The following COL20A1 variants were observed in gnomAD, a reference collection of about 807,000 sequenced individuals.
The protein encoded by COL20A1 is collagen alpha-1(XX) chain.
In COL20A1, 164 loss-of-function variants were observed where a neutral mutation model predicts 152.9. That is an observed-to-expected ratio of 1.07 (90% CI 0.94 to 1.22). The LOEUF (loss-of-function observed/expected upper bound fraction) is 1.22, where lower values mean the gene tolerates loss of function less well. Ranked by LOEUF, COL20A1 falls within the 50% of genes most tolerant of loss-of-function variation. The pLI is 0.00. For missense variants in COL20A1, 1,873 were observed against 1,744.8 expected (o/e 1.07, Z -1.31); for synonymous variants, 864 against 756.0 (o/e 1.14, Z -2.34).
chr20:63,321,022 G>A lies in COL20A1; in HGVS notation c.3163G>A (p.Glu1055Lys). 1 of 1,579,684 alleles carries A rather than the reference G, an allele frequency of 6.3e-7. No homozygotes were observed. Among genetic ancestry groups the A allele is most frequent in the Non-Finnish European group, 8.6e-7 (1 of 1,164,124 alleles). Residue 1055 changes from glutamate (E) to lysine (K), a missense_variant, in exon 26 of 36, where the codon GAG becomes AAG. Transcript: ENST00000358894. Reference sequence around the variant, plus strand: ...GTCTCTCTTCTTCCAGAGGGATGGAGAGACCTGCCCCGCCTTCGTGTCTGC... The same window carrying A: ...GTCTCTCTTCTTCCAGAGGGATGGAAAGACCTGCCCCGCCTTCGTGTCTGC... ...CCELPASRDG[E>K]TCPAFVSACS... is the part of the protein sequence containing the mutation.
chr20:63,327,894 G>C, intron 31 of COL20A1, 58 bp from the exon 32 acceptor site: 3 of 1,532,922 alleles, frequency 2.0e-6, no homozygotes, highest in South Asian at 1.2e-5. Context: ...TCTCACACTT[G>C]TCACGTGTGG....
chr20:63,293,559 G>T (rs2067742844), intron 1 of COL20A1, among the ~76,000 whole-genome samples: 1 of 152,166 alleles, frequency 6.6e-6, no homozygotes, highest in Non-Finnish European at 1.5e-5. Context: ...ACATCGAGCA[G>T]AGAGCGGCTT....
chr20:63,308,626 T>G lies in COL20A1; in HGVS notation c.860T>G (p.Val287Gly). 6.2e-7 allele frequency: 1 copy of G among 1,606,542 alleles called. No homozygotes were observed. Among genetic ancestry groups the G allele is most frequent in the African/African-American group, 1.3e-5 (1 of 74,922 alleles). Reference sequence around the variant, plus strand: ...GAGGCAGCCAAGGTGGTGATTCTGGTGACGGACGGCAAGTCCCAGGACGAT... The same window carrying G: ...GAGGCAGCCAAGGTGGTGATTCTGGGGACGGACGGCAAGTCCCAGGACGAT... ...RPEAAKVVIL[V>G]TDGKSQDDVH... The change falls in exon 8 of 36, where the codon GTG (valine) becomes GGG (glycine). Residue 287 changes from valine to glycine, a missense_variant. Val to Gly is a moderately radical substitution (Grantham distance 109). Coordinates refer to ENST00000358894, the MANE Select transcript of COL20A1 (RefSeq NM_020882.4).
chr20:63,329,309 C>T (rs2068300618), intron 34 of COL20A1: 1 of 529,548 alleles, frequency 1.9e-6, no homozygotes, highest in Non-Finnish European at 3.4e-6. Context: ...TCTGCACCCA[C>T]CTGTCTAGAT....
In COL20A1 at chr20:63,319,516, C is replaced by T. The variant is rs368681298; in HGVS notation, c.2836C>T (p.Arg946Cys). The change falls in exon 23 of 36, where the codon CGT becomes TGT. Residue 946 changes from arginine to cysteine, a missense_variant. By Grantham distance (180) the Arg-to-Cys change is radical. Transcript: ENST00000358894. The surrounding 1 kb of genome is among the most constrained non-coding windows in gnomAD (Gnocchi z 4.4). ...AGKKSLTYFH[R>C]DPRAALQEAT... ...GAAGAAGTCCCTGACCTACTTCCAC[C>T]GTGACCCCAGGGCTGCCTTGCAGGA... The T allele has an allele frequency of 3.9e-5, 62 of 1,592,522 alleles. No homozygotes were observed. The East Asian group carries it at 1.0e-3, about 26-fold the overall frequency.
chr20:63,313,000 C>T (rs1390324202), intron 16 of COL20A1, 66 bp downstream of exon 16: 4 of 1,532,146 alleles, frequency 2.6e-6, no homozygotes, highest in East Asian at 2.5e-5. Context: ...AAGCCAAAGT[C>T]TAGGGCTCAG....
chr20:63,318,400 G>A (rs950751549), intron 21 of COL20A1, among the ~76,000 whole-genome samples: 6 of 152,114 alleles, frequency 3.9e-5, no homozygotes, highest in African/African-American at 9.7e-5. Context: ...TCAGGGGCCC[G>A]AGACCCTGCT....
At position 63,319,047 on chromosome 20, in the gene COL20A1, A is replaced by T; in HGVS notation, c.2664-11A>T. ...CTGCTCATGTGCCTCTCCCTCCCCC[A>T]ACCCCCACAGTGACGTCTACCCAGC... On this transcript the variant is annotated splice_polypyrimidine_tract_variant and intron_variant, in intron 21 of 35. Transcript: ENST00000358894. This position sits in a 1 kb window ranked among gnomAD's most constrained non-coding sequence, Gnocchi z 4.4. 1 of 673,138 alleles carries T rather than the reference A, an allele frequency of 1.5e-6. No individual in the cohort carries two copies. The highest frequency in any genetic ancestry group is 2.3e-6 in the Non-Finnish European group (1 of 441,438). 41.7% of individuals were successfully genotyped at this position (673,138 alleles called of 1,614,324 possible). A position where few individuals can be genotyped will look rare whatever the true frequency, so the allele number is the denominator to read the frequency against.
Position 63,305,787 on chromosome 20 carries a change from C to A in COL20A1, c.338-94C>A. On this transcript the variant is annotated intron_variant, in intron 4 of 35. Coordinates refer to ENST00000358894, the MANE Select transcript of COL20A1 (RefSeq NM_020882.4). The surrounding 1 kb of genome is among the most constrained non-coding windows in gnomAD (Gnocchi z 4.9). ...TCCCAGGCTCCTGGGCCCTCAGCAC[C>A]CACAGATGCGCCCTTGAAGGGGTGT... is the stretch of plus-strand genomic sequence containing the variant. 1 of 1,347,518 alleles carries A rather than the reference C, an allele frequency of 7.4e-7. No individual in the cohort carries two copies. The highest frequency in any genetic ancestry group is 1.0e-6 in the Non-Finnish European group (1 of 961,798). The allele number at this position is 1,347,518 out of a possible 1,614,324, so 83.5% of individuals were successfully genotyped here. A position where few individuals can be genotyped will look rare whatever the true frequency, so the allele number is the denominator to read the frequency against.
At chr20:63,325,217 A>G in intron 27 of COL20A1, 1 of 683,184 alleles carries the variant, frequency 1.5e-6, no homozygotes, top group Non-Finnish European at 2.7e-6. Context: ...GGGCCACAGG[A>G]GGGGTGGCAA....
intron 20 of COL20A1, 71 bp from the exon 21 acceptor site, chr20:63,316,482 C>T (rs1233573902): frequency 3.6e-6 from 5 of 1,374,618 alleles, no homozygotes; most frequent in East Asian, 2.6e-5. Flanking sequence ...AGTCCCCGCT[C>T]CTGCCCCTTC....
At chr20:63,294,939 A>G (rs1181125779) in intron 1 of COL20A1, 159 bp from the exon 2 acceptor site, 3 of 578,836 alleles carry the variant, frequency 5.2e-6, no homozygotes, top group Non-Finnish European at 9.2e-6. Context: ...CCCCTAGACA[A>G]CAGGTTGCAG....
Position 63,306,037 on chromosome 20 carries a change from C to A in COL20A1, c.494C>A (p.Pro165His). ...AFTPSQDPRT[P>H]AGPQFRCLPP... ...ACACCAAGCCAGGATCCGCGCACTC[C>A]TGGTGGGTCAGAGTGGAGAGAGAGT... The change falls in exon 5 of 36, where the codon CCT becomes CAT. Residue 165 changes from proline (P) to histidine (H), a missense_variant and splice_region_variant. By Grantham distance (77) the Pro-to-His change is moderately conservative (BLOSUM62 -2). Transcript: ENST00000358894. The surrounding 1 kb of genome is among the most constrained non-coding windows in gnomAD (Gnocchi z 6.9). 1 of 1,604,876 alleles carries A rather than the reference C, an allele frequency of 6.2e-7. No homozygotes were observed. Among genetic ancestry groups the A allele is most frequent in the Admixed American group, 1.7e-5 (1 of 58,334 alleles).
intron 15 of COL20A1, 52 bp from the exon 16 acceptor site, chr20:63,312,740 G>A (rs2068026619): frequency 1.3e-6 from 2 of 1,496,598 alleles, no homozygotes; most frequent in Non-Finnish European, 1.8e-6. Flanking sequence ...CCTCCTCTGA[G>A]GTGCCCAGGC....
At position 63,305,793 on chromosome 20, in the gene COL20A1, A is replaced by G; in HGVS notation, c.338-88A>G. On this transcript the variant is annotated intron_variant, in intron 4 of 35. Coordinates refer to ENST00000358894, the MANE Select transcript of COL20A1 (RefSeq NM_020882.4). The surrounding 1 kb of genome is among the most constrained non-coding windows in gnomAD (Gnocchi z 4.9). ...GCTCCTGGGCCCTCAGCACCCACAG[A>G]TGCGCCCTTGAAGGGGTGTATGTGC... 7.3e-7 allele frequency: 1 copy of G among 1,373,688 alleles called. No homozygotes were observed. Among genetic ancestry groups the G allele is most frequent in the Middle Eastern group, 2.1e-4 (1 of 4,822 alleles). The allele number at this position is 1,373,688 out of a possible 1,614,324, so 85.1% of individuals were successfully genotyped here.
chr20:63,310,283 C>T (rs1291392599), intron 10 of COL20A1, 98 bp from the exon 11 acceptor site: 1 of 1,396,338 alleles, frequency 7.2e-7, no homozygotes, highest in Non-Finnish European at 9.8e-7. Flanking sequence ...CCCTGCGGGC[C>T]CCAGCTGAGC....
rs1235534909 is a variant in COL20A1 at position 63,306,942 on chromosome 20, T to A, written c.497-548T>A. On this transcript the variant is annotated intron_variant, in intron 5 of 35. Coordinates refer to ENST00000358894, the MANE Select transcript of COL20A1 (RefSeq NM_020882.4). This position sits in a 1 kb window ranked among gnomAD's most constrained non-coding sequence, Gnocchi z 6.9. The stretch of plus-strand genomic sequence containing the variant: ...TCCCCCAGGGGAGTGTCCCCACCCA[T>A]GCAGGCCTCAGGGCAGCTGGGCCTC... 6.6e-6 allele frequency among the ~76,000 whole-genome samples: 1 copy of A among 152,178 alleles called. No individual in the cohort carries two copies. The highest frequency in any genetic ancestry group is 6.5e-5 in the Admixed American group (1 of 15,292).
chr20:63,309,201 G>T, intron 8 of COL20A1, 132 bp from the exon 9 acceptor site: 1 of 629,632 alleles, frequency 1.6e-6, no homozygotes, highest in South Asian at 5.3e-5. Context: ...CCAGCATGTG[G>T]GTGGCAGGTG....
At chr20:63,329,145 C>T (rs879736562) in intron 34 of COL20A1, 27 of 192,130 alleles carry the variant, frequency 1.4e-4, no homozygotes, top group Non-Finnish European at 2.7e-4. Context: ...AATCCCACCC[C>T]TCATCCCACA....
Sources: gnomAD v4.1 joint callset for allele counts (sites outside exome capture counted in the v4.1 genomes callset) on GRCh38, gnomAD v4.1.1 for gene constraint, Gnocchi (gnomAD v3.1) non-coding constraint, MANE v1.5 for transcripts, NCBI Gene and HGNC (gene_info 2026-07-23, HGNC 2026-07-21) for gene names.